The following CRTC2 variants were observed in gnomAD, a reference collection of about 807,000 sequenced individuals.
CRTC2 encodes CREB regulated transcription coactivator 2.
In CRTC2, 25 loss-of-function variants were observed where a neutral mutation model predicts 70.9. The observed-to-expected ratio is 0.35, with a 90% CI of 0.26 to 0.49. The LOEUF is 0.49. Ranked by LOEUF, CRTC2 falls within the 20% of genes least tolerant of loss-of-function variation. The pLI is 0.98. For missense variants in CRTC2, 737 were observed against 882.6 expected (o/e 0.83, Z 2.09); for synonymous variants, 330 against 364.1 (o/e 0.91, Z 1.07).
chr1:153,954,696 C>T (rs537147290), intron 3 of CRTC2, among the ~76,000 whole-genome samples, 177 bp downstream of exon 3: 1 of 152,340 alleles, frequency 6.6e-6, no homozygotes, highest in African/African-American at 2.4e-5. Flanking sequence ...GAGCAAAACT[C>T]CTTGTCACAG....
chr1:153,955,587 A>AAT (rs36025977), intron 1 of CRTC2, among the ~76,000 whole-genome samples: 4 of 149,686 alleles, frequency 2.7e-5, no homozygotes, highest in Non-Finnish European at 5.9e-5. Flanking sequence ...AAAAAAAAAA[A>AAT]GGATCACTTC....
intron 1 of CRTC2, chr1:153,958,120 C>T: frequency 7.2e-7 from 1 of 1,397,216 alleles, no homozygotes; most frequent in African/African-American, 1.5e-5. Flanking sequence ...ACGTACTCGG[C>T]CCCCAGTCGC....
Position 153,948,632 on chromosome 1 carries a change from T to G in CRTC2, c.1687A>C (p.Ser563Arg), listed in dbSNP as rs747891243. 1 of 1,587,396 alleles carries G rather than the reference T, an allele frequency of 6.3e-7. No homozygotes were observed. The highest frequency in any genetic ancestry group is 1.2e-5 in the South Asian group (1 of 86,920). The change falls in exon 13 of 14, where the codon AGC becomes CGC. Residue 563 changes from serine (S) to arginine (R), a missense_variant. Physicochemically the swap from Ser to Arg is moderately radical, Grantham distance 110. Around this residue, in one of 3 missense-constraint regions of CRTC2, gnomAD observed 699 missense variants for 823.7 expected, o/e 0.85. Transcript: ENST00000368633. ...AGGCTGGCTGATGGGCTCTCCATGC[T>G]GAACTGCTCCAGCTATAGACATACA... is the stretch of plus-strand genomic sequence containing the variant. ...DFNLGNLEQF[S>R]MESPSASLVL...
intron 1 of CRTC2, among the ~76,000 whole-genome samples, chr1:153,956,940 T>C (rs1478169123): frequency 6.6e-6 from 1 of 152,156 alleles, no homozygotes; most frequent in African/African-American, 2.4e-5. Flanking sequence ...ATGCCTCTGC[T>C]AGAATCACAG....
rs746833345 is a variant in CRTC2 at position 153,948,490 on chromosome 1, C to A, written c.1829G>T (p.Arg610Leu). Residue 610 changes from arginine to leucine, a missense_variant, in exon 13 of 14, where the codon CGC (arginine) becomes CTC (leucine). By Grantham distance (102) the Arg-to-Leu change is moderately radical. This residue lies in a region of CRTC2 where 699 missense variants were observed against 823.7 expected (regional missense o/e 0.85). Transcript: ENST00000368633. ...GATGATGTTAGGCCCTGAGCCATGG[C>A]GGGAACAGTGGGTCAAGTTCTGGTG... Reference protein sequence around the residue: ...FNHQNLTHCSRHGSGPNIILT... With the variant: ...FNHQNLTHCSLHGSGPNIILT... The A allele has an allele frequency of 6.2e-7, 1 of 1,609,286 alleles. No individual in the cohort carries two copies. Among genetic ancestry groups the A allele is most frequent in the Admixed American group, 1.7e-5 (1 of 59,568 alleles).
chr1:153,950,372 A>C (rs1680258966), intron 11 of CRTC2, among the ~76,000 whole-genome samples: 1 of 152,110 alleles, frequency 6.6e-6, no homozygotes, highest in African/African-American at 2.4e-5. Context: ...AGTCAAGCTC[A>C]CTCCACACTC....
chr1:153,955,054 G>GA lies in CRTC2; in HGVS notation c.255+10_255+11insT, dbSNP rs755369121. The stretch of plus-strand genomic sequence containing the variant: ...AGAAACTCCACTCCTCCCTGGCTGG[G>GA]GTCTACTCACCTGGAACTCGGCCAG... On this transcript the variant is annotated intron_variant, in intron 2 of 13. Transcript: ENST00000368633. 60 of 1,613,624 alleles carry GA rather than the reference G, an allele frequency of 3.7e-5. No homozygotes were observed. The African/African-American group carries it at 7.5e-4, about 20-fold the overall frequency.
Position 153,952,032 on chromosome 1 carries a change from C to T in CRTC2, c.983G>A (p.Gly328Asp). 1 of 1,613,536 alleles carries T rather than the reference C, an allele frequency of 6.2e-7. No individual in the cohort carries two copies. The highest frequency in any genetic ancestry group is 8.5e-7 in the Non-Finnish European group (1 of 1,179,838). ...GISRGMGLGP[G>D]YDAPGLHSPL... is the part of the protein sequence containing the mutation. ...CAGTCACTCACCTGGTGCATCATAG[C>T]CTGGGCCCAGGCCCATGCCCCTGCT... The change falls in exon 10 of 14, where the codon GGC becomes GAC. Residue 328 changes from glycine to aspartate, a missense_variant. By Grantham distance (94) the Gly-to-Asp change is moderately conservative. Around this residue, in one of 3 missense-constraint regions of CRTC2, gnomAD observed 699 missense variants for 823.7 expected, o/e 0.85. Coordinates refer to ENST00000368633, the MANE Select transcript of CRTC2 (RefSeq NM_181715.3).
At chr1:153,957,656 CAT>C (rs1680694752) in intron 1 of CRTC2, among the ~76,000 whole-genome samples, 1 of 152,134 alleles carries the variant, frequency 6.6e-6, no homozygotes, top group African/African-American at 2.4e-5. Context: ...CTCAGCAAAC[CAT>C]AGAGTTCCAC....
chr1:153,952,870 AC>A (rs1557869242), intron 6 of CRTC2, 36 bp from the exon 7 acceptor site: 43 of 1,613,870 alleles, frequency 2.7e-5, no homozygotes, highest in Non-Finnish European at 3.6e-5. Flanking sequence ...TGCAGTGCTC[AC>A]TTGCCTACCT....
rs1680127683 is a variant in CRTC2, at chr1:153,948,321, A to G, written c.1870T>C (p.Ser624Pro). ...GPNIILTGDS[S>P]PGFSKEIAAA... is the part of the protein sequence containing the mutation. ...GCAATCTCCTTAGAGAAACCTGGAG[A>G]GGAGTCCCCTGTGGGTAGAAGAGAC... is the stretch of plus-strand genomic sequence containing the variant. Residue 624 changes from serine to proline, a missense_variant, in exon 14 of 14, where the codon TCT (serine) becomes CCT (proline). Coordinates refer to ENST00000368633, the MANE Select transcript of CRTC2 (RefSeq NM_181715.3). 6.2e-7 allele frequency: 1 copy of G among 1,614,246 alleles called. No homozygotes were observed. Among genetic ancestry groups the G allele is most frequent in the Non-Finnish European group, 8.5e-7 (1 of 1,180,034 alleles).
chr1:153,948,835 T>C, intron 12 of CRTC2, 191 bp from the exon 13 acceptor site: 1 of 760,700 alleles, frequency 1.3e-6, no homozygotes. Flanking sequence ...GCACCGTACC[T>C]GCTGGGCCAG....
At chr1:153,952,872 T>A (rs766153080) in intron 6 of CRTC2, 38 bp from the exon 7 acceptor site, 60 of 1,613,810 alleles carry the variant, frequency 3.7e-5, no homozygotes, top group Non-Finnish European at 5.1e-5. Context: ...CAGTGCTCAC[T>A]TGCCTACCTG....
In CRTC2 at chr1:153,948,157, C is replaced by A; in HGVS notation, c.2034G>T (p.Leu678=). 2 of 1,614,204 alleles carry A rather than the reference C, an allele frequency of 1.2e-6. No individual in the cohort carries two copies. The highest frequency in any genetic ancestry group is 1.7e-6 in the Non-Finnish European group (2 of 1,180,034). The change falls in exon 14 of 14, where the codon CTG becomes CTT. Residue 678 remains leucine, a synonymous_variant. Coordinates refer to ENST00000368633, the MANE Select transcript of CRTC2 (RefSeq NM_181715.3). ...ATGACTCCTCCACAGCAGGATCAGG[C>A]AGCAGGGCACAGGGGTCACTCAGCA... is the stretch of plus-strand genomic sequence containing the variant. ...LNMLSDPCAL[L]PDPAVEESFR...
At chr1:153,954,230 G>A (rs758173758) in intron 4 of CRTC2, 25 bp downstream of exon 4, 2 of 1,589,280 alleles carry the variant, frequency 1.3e-6, no homozygotes, top group East Asian at 2.2e-5. Flanking sequence ...GTAGGCAGGA[G>A]CTTCTGCCCG....
At chr1:153,951,017 A>C (rs577273614) in intron 11 of CRTC2, among the ~76,000 whole-genome samples, 1 of 152,378 alleles carries the variant, frequency 6.6e-6, no homozygotes, top group South Asian at 2.1e-4. Flanking sequence ...AACTTGTCCA[A>C]GGTGACTGCT....
At position 153,958,306 on chromosome 1, in the gene CRTC2, T is replaced by C. The variant is rs767863929; in HGVS notation, c.153+39A>G. 42 of 1,599,064 alleles carry C rather than the reference T, an allele frequency of 2.6e-5. No homozygotes were observed. The South Asian group carries it at 3.2e-4, about 12-fold the overall frequency. On this transcript the variant is annotated intron_variant, in intron 1 of 13. Coordinates refer to ENST00000368633, the MANE Select transcript of CRTC2 (RefSeq NM_181715.3). ...GCCTCTCCGGTCTCCGCTCCGTAAC[T>C]GCTCAGCTCTGCTCCGGCTCCCCGG...
chr1:153,951,158 G>C, intron 11 of CRTC2, 102 bp downstream of exon 11: 1 of 1,188,264 alleles, frequency 8.4e-7, no homozygotes, highest in Non-Finnish European at 1.2e-6. Context: ...GGAAGGGGAT[G>C]AGTATAGAGT....
Position 153,958,569 on chromosome 1 carries a change from C to A in CRTC2, c.-72G>T, listed in dbSNP as rs2102129028. The A allele has an allele frequency of 7.0e-7, 1 of 1,431,516 alleles. No individual in the cohort carries two copies. The highest frequency in any genetic ancestry group is 9.3e-7 in the Non-Finnish European group (1 of 1,071,786). The allele number at this position is 1,431,516 out of a possible 1,614,324, so 88.7% of individuals were successfully genotyped here. On this transcript the variant is annotated 5_prime_UTR_variant, in exon 1 of 14. Transcript: ENST00000368633. ...CCTCCGCCGCGGCCTCGGCCCGGCT[C>A]CTCCAGCCGTAGCCACCGCCGCCTC...
Sources: allele counts gnomAD v4.1 joint callset (sites outside exome capture counted in the v4.1 genomes callset), GRCh38; gene constraint gnomAD v4.1.1; regional missense constraint gnomAD v4.1.1; transcripts MANE v1.5; gene names NCBI Gene and HGNC (gene_info 2026-07-23, HGNC 2026-07-21).